Variants in CYP4B1 observed in about 807,000 individuals in gnomAD.
CYP4B1 encodes cytochrome P450 4B1.
A neutral mutation model predicts 54.0 loss-of-function variants in CYP4B1; 45 were observed. The observed-to-expected ratio is 0.83, with a 90% CI of 0.66 to 1.07. CYP4B1 has a LOEUF of 1.07. Among genes scored for constraint, CYP4B1 ranks in the 50% least tolerant of loss-of-function variants. The pLI, the probability that CYP4B1 is intolerant of heterozygous loss-of-function variation, is 0.00. For synonymous variants in CYP4B1, 248 were observed against 247.5 expected (o/e 1.00, Z -0.02); for missense variants, 656 against 655.4 (o/e 1.00, Z -0.01).
rs749329877 is a variant in CYP4B1 at position 46,799,114 on chromosome 1, C to T, written c.33C>T (p.Ser11=). ...CCAGCTTCCTCTCCCTGAGCTTCTCCTCCTTGGGCCTGTGGGCTTCTGGGC... is the reference window on the plus strand; with the variant it reads ...CCAGCTTCCTCTCCCTGAGCTTCTCTTCCTTGGGCCTGTGGGCTTCTGGGC... MVPSFLSLSF[S]SLGLWASGLI... The change falls in exon 1 of 12, where the codon TCC becomes TCT. Residue 11 remains serine (S), a synonymous_variant. Transcript: ENST00000371923. 3.1e-6 allele frequency: 5 copies of T among 1,613,950 alleles called. No homozygotes were observed. Among genetic ancestry groups the T allele is most frequent in the African/African-American group, 1.3e-5 (1 of 74,956 alleles).
At chr1:46,811,012 G>C in intron 2 of CYP4B1, 63 bp downstream of exon 2, 2 of 1,602,054 alleles carry the variant, frequency 1.2e-6, no homozygotes, top group Non-Finnish European at 8.5e-7. Context: ...AGGGCTCAGG[G>C]CATGATATGG....
At chr1:46,812,696 T>C (rs1679161415) in intron 4 of CYP4B1, 73 bp downstream of exon 4, 2 of 1,546,566 alleles carry the variant, frequency 1.3e-6, no homozygotes, top group South Asian at 2.4e-5. Context: ...GATTTTGTCC[T>C]GGGGAGAGTA....
chr1:46,812,508 T>A lies in CYP4B1; in HGVS notation c.380T>A (p.Leu127Gln). 1 of 1,613,486 alleles carries A rather than the reference T, an allele frequency of 6.2e-7. No individual in the cohort carries two copies. Among genetic ancestry groups the A allele is most frequent in the Non-Finnish European group, 8.5e-7 (1 of 1,179,722 alleles). The change falls in exon 4 of 12, where the codon CTG becomes CAG. Residue 127 changes from leucine to glutamine, a missense_variant. By Grantham distance (113) the Leu-to-Gln change is moderately radical (BLOSUM62 -2). Transcript: ENST00000371923. ...FFLQWIGRGL[L>Q]VLEGPKWLQH... ...ATCCCTTCCCCAGGGAGAGGCCTGCTGGTTCTTGAGGGGCCCAAGTGGTTG... is the reference window on the plus strand; with the variant it reads ...ATCCCTTCCCCAGGGAGAGGCCTGCAGGTTCTTGAGGGGCCCAAGTGGTTG...
intron 1 of CYP4B1, among the ~76,000 whole-genome samples, chr1:46,806,012 A>G (rs139132088): frequency 2.8e-4 from 42 of 152,346 alleles, no homozygotes; most frequent in African/African-American, 9.1e-4. Context: ...GTGTGGTCCC[A>G]GAGGGAGACC....
chr1:46,811,221 C>CAG (rs770040205), intron 3 of CYP4B1, 37 bp downstream of exon 3: 6 of 1,607,660 alleles, frequency 3.7e-6, no homozygotes, highest in Non-Finnish European at 5.1e-6. Context: ...CTGCCAACCT[C>CAG]AGACCCGTGG....
Position 46,810,793 on chromosome 1 carries a change from C to T in CYP4B1, c.181-15C>T, listed in dbSNP as rs1463283455. The T allele has an allele frequency of 6.2e-7, 1 of 1,614,088 alleles. No individual in the cohort carries two copies. Among genetic ancestry groups the T allele is most frequent in the Non-Finnish European group, 8.5e-7 (1 of 1,179,964 alleles). Reference sequence around the variant, plus strand: ...TGTGTTCCTGAGTGACCTTGGCCTTCTGTCATCATTTCAGATCCAGGAGAC... The same window carrying T: ...TGTGTTCCTGAGTGACCTTGGCCTTTTGTCATCATTTCAGATCCAGGAGAC... On this transcript the variant is annotated splice_polypyrimidine_tract_variant and intron_variant, in intron 1 of 11. Coordinates refer to ENST00000371923, the MANE Select transcript of CYP4B1 (RefSeq NM_001099772.2).
intron 1 of CYP4B1, among the ~76,000 whole-genome samples, chr1:46,799,897 T>C (rs571710512): frequency 6.6e-6 from 1 of 152,346 alleles, no homozygotes; most frequent in Admixed American, 6.5e-5. Flanking sequence ...TCTCTTAGTT[T>C]CCTACTGTAT....
chr1:46,815,135 T>C lies in CYP4B1; in HGVS notation c.944T>C (p.Phe315Ser), dbSNP rs776958699. 8 of 1,614,210 alleles carry C rather than the reference T, an allele frequency of 5.0e-6. No homozygotes were observed. Among genetic ancestry groups the C allele is most frequent in the East Asian group, 2.2e-5 (1 of 44,884 alleles). ...DLRAEVDTFM[F>S]EGHDTTTSGI... is the part of the protein sequence containing the mutation. ...CGGGCTGAAGTGGACACATTCATGT[T>C]TGAAGGCCATGACACCACCACCAGT... The change falls in exon 8 of 12, where the codon TTT becomes TCT. Residue 315 changes from phenylalanine (F) to serine (S), a missense_variant. Transcript: ENST00000371923.
At chr1:46,805,484 G>T (rs1474935989) in intron 1 of CYP4B1, among the ~76,000 whole-genome samples, 1 of 152,190 alleles carries the variant, frequency 6.6e-6, no homozygotes, top group Non-Finnish European at 1.5e-5. Flanking sequence ...TGAGCTAGGG[G>T]TTCTTTCTGT....
intron 1 of CYP4B1, 82 bp downstream of exon 1, chr1:46,799,343 G>A (rs978468293): frequency 1.5e-6 from 2 of 1,323,438 alleles, no homozygotes; most frequent in African/African-American, 2.9e-5. Flanking sequence ...CCAGGGGGCT[G>A]TGGAGGGAGA....
intron 1 of CYP4B1, among the ~76,000 whole-genome samples, chr1:46,809,527 C>G (rs755012900): frequency 6.6e-6 from 1 of 152,242 alleles, no homozygotes; most frequent in Non-Finnish European, 1.5e-5. Context: ...CCTAACCTCT[C>G]TATTCCTTAG....
chr1:46,818,558 G>C, intron 11 of CYP4B1, 73 bp from the exon 12 acceptor site: 4 of 1,465,024 alleles, frequency 2.7e-6, no homozygotes, highest in South Asian at 2.3e-5. Context: ...ACTTTTGTTG[G>C]CTGCTAAGAG....
chr1:46,812,422 C>T (rs977883694), intron 3 of CYP4B1, 74 bp from the exon 4 acceptor site: 33 of 1,513,526 alleles, frequency 2.2e-5, no homozygotes, highest in Middle Eastern at 1.7e-4. Context: ...GGGATGGAGT[C>T]GTGTAGGATG....
intron 6 of CYP4B1, 25 bp downstream of exon 6, chr1:46,814,088 C>T (rs1210193173): frequency 1.9e-6 from 3 of 1,612,958 alleles, no homozygotes; most frequent in Non-Finnish European, 2.5e-6. Flanking sequence ...CAAGGCTCAC[C>T]TCTAGGAAGC....
intron 1 of CYP4B1, among the ~76,000 whole-genome samples, chr1:46,806,212 G>C (rs890338539): frequency 1.2e-4 from 18 of 152,196 alleles, no homozygotes; most frequent in Non-Finnish European, 2.9e-5. Context: ...CTGGGAATCC[G>C]AGACCGACAT....
At position 46,799,088 on chromosome 1, in the gene CYP4B1, C is replaced by A. The variant is rs1197765755; in HGVS notation, c.7C>A (p.Pro3Thr). 6 of 1,613,798 alleles carry A rather than the reference C, an allele frequency of 3.7e-6. No homozygotes were observed. Among genetic ancestry groups the A allele is most frequent in the African/African-American group, 1.3e-5 (1 of 74,914 alleles). ...GGTGGCTGGAACTGCAACCATGGTG[C>A]CCAGCTTCCTCTCCCTGAGCTTCTC... Reference protein sequence around the residue: MVPSFLSLSFSSL... With the variant: MVTSFLSLSFSSL... The change falls in exon 1 of 12, where the codon CCC becomes ACC. Residue 3 changes from proline to threonine, a missense_variant. Physicochemically the swap from Pro to Thr is conservative, Grantham distance 38 (BLOSUM62 -1). Coordinates refer to ENST00000371923, the MANE Select transcript of CYP4B1 (RefSeq NM_001099772.2).
chr1:46,814,979 C>A, intron 7 of CYP4B1, 95 bp from the exon 8 acceptor site: 1 of 1,132,984 alleles, frequency 8.8e-7, no homozygotes, highest in Non-Finnish European at 1.3e-6. Context: ...TTCACTCCCT[C>A]CCAGAGACCT....
intron 3 of CYP4B1, chr1:46,812,161 G>C (rs1225044631): frequency 2.1e-6 from 1 of 485,894 alleles, no homozygotes; most frequent in African/African-American, 1.9e-5. Context: ...CTCCCCCTCT[G>C]CTTGGCTGTC....
chr1:46,802,740 C>T (rs901077194), intron 1 of CYP4B1, among the ~76,000 whole-genome samples: 2 of 152,170 alleles, frequency 1.3e-5, no homozygotes, highest in African/African-American at 2.4e-5. Context: ...CTCAGAGGAA[C>T]TAGGTCTGTA....
Sources: gnomAD v4.1 joint callset for allele counts (sites outside exome capture counted in the v4.1 genomes callset) on GRCh38, gnomAD v4.1.1 for gene constraint, MANE v1.5 for transcripts, NCBI Gene and HGNC (gene_info 2026-07-23, HGNC 2026-07-21) for gene names.